PSEN1: variants seen among roughly 807,000 people sequenced by gnomAD.
PSEN1 encodes presenilin 1, also known as presenilin-1.
PSEN1 carries 15 observed loss-of-function variants against 53.5 expected under a neutral mutation model. The observed-to-expected ratio is 0.28, with a 90% CI of 0.19 to 0.43. The LOEUF is 0.43. Among genes scored for constraint, PSEN1 ranks in the 20% least tolerant of loss-of-function variants. The pLI, the probability that PSEN1 is intolerant of heterozygous loss-of-function variation, is 1.00. For missense variants in PSEN1, 387 were observed against 571.2 expected (o/e 0.68, Z 3.29); for synonymous variants, 208 against 209.8 (o/e 0.99, Z 0.08).
chr14:73,214,862 A>G (rs531744215), intron 10 of PSEN1, among the ~76,000 whole-genome samples: 54 of 152,330 alleles, frequency 3.5e-4, no homozygotes, highest in African/African-American at 1.3e-3. Flanking sequence ...GACGATGGTA[A>G]TGGTAGCACA....
At chr14:73,165,951 G>C (rs1801643065) in intron 3 of PSEN1, among the ~76,000 whole-genome samples, 1 of 151,990 alleles carries the variant, frequency 6.6e-6, no homozygotes, top group Non-Finnish European at 1.5e-5. Context: ...AGCTCCTCGG[G>C]AGGCTGACGC....
In PSEN1 at chr14:73,219,427, C is replaced by G; in HGVS notation, c.*138C>G. 1 of 967,280 alleles carries G rather than the reference C, an allele frequency of 1.0e-6. No individual in the cohort carries two copies. The highest frequency in any genetic ancestry group is 1.6e-6 in the Non-Finnish European group (1 of 610,480). The allele number at this position is 967,280 out of a possible 1,614,324, so 59.9% of individuals were successfully genotyped here. On this transcript the variant is annotated 3_prime_UTR_variant, in exon 12 of 12. Coordinates refer to ENST00000324501, the MANE Select transcript of PSEN1 (RefSeq NM_000021.4). ...GGACTTTTGCAGCTTCCTTCCAAGT[C>G]TTCCTGACCACCTTGCACTATTGGA...
chr14:73,221,455 G>C lies in PSEN1; in HGVS notation c.*2166G>C, dbSNP rs1038491699. 3.9e-5 allele frequency: 6 copies of C among 152,202 alleles called. No homozygotes were observed. Among genetic ancestry groups the C allele is most frequent in the Non-Finnish European group, 7.3e-5 (5 of 68,042 alleles). The allele number at this position is 152,202 out of a possible 1,614,324, so 9.4% of individuals were successfully genotyped here. A position where few individuals can be genotyped will look rare whatever the true frequency, so the allele number is the denominator to read the frequency against. ...TTCTTCTCTGAAGAGGGTACGTGGG[G>C]TGTGTGTATTTAAATCCATCCTATG... On this transcript the variant is annotated 3_prime_UTR_variant, in exon 12 of 12. Coordinates refer to ENST00000324501, the MANE Select transcript of PSEN1 (RefSeq NM_000021.4).
In PSEN1 at chr14:73,218,244, G is replaced by A. The variant is rs1246479277; in HGVS notation, c.1249-890G>A. On this transcript the variant is annotated intron_variant, in intron 11 of 11. Coordinates refer to ENST00000324501, the MANE Select transcript of PSEN1 (RefSeq NM_000021.4). ...TGGAATTACATGTGTGCACCACCATGCCTGGCTAATTTTTGTATTTTTAGT... is the reference window on the plus strand; with the variant it reads ...TGGAATTACATGTGTGCACCACCATACCTGGCTAATTTTTGTATTTTTAGT... Among the ~76,000 whole-genome samples the A allele has an allele frequency of 2.6e-5, 4 of 151,800 alleles. No homozygotes were observed. In the East Asian group the frequency reaches 5.8e-4, roughly 22 times the overall value.
intron 3 of PSEN1, 149 bp downstream of exon 3, chr14:73,148,255 AG>A (rs1897126119): frequency 1.4e-6 from 1 of 720,906 alleles, no homozygotes; most frequent in African/African-American, 1.7e-5. Context: ...TGATTGCTGG[AG>A]GACACAGGGC....
At chr14:73,154,799 T>C (rs1167924222) in intron 3 of PSEN1, among the ~76,000 whole-genome samples, 1 of 152,168 alleles carries the variant, frequency 6.6e-6, no homozygotes, top group African/African-American at 2.4e-5. Context: ...TGGCAATAAA[T>C]ATATGAAAAG....
intron 8 of PSEN1, among the ~76,000 whole-genome samples, chr14:73,202,818 C>T (rs1368654708): frequency 6.6e-6 from 1 of 151,836 alleles, no homozygotes; most frequent in East Asian, 1.9e-4. Context: ...CTCGCTTTAG[C>T]AGCACATAAT....
At chr14:73,165,279 A>G (rs1327950100) in intron 3 of PSEN1, among the ~76,000 whole-genome samples, 1 of 152,100 alleles carries the variant, frequency 6.6e-6, no homozygotes, top group African/African-American at 2.4e-5. Context: ...TTTTAAATAA[A>G]GAAATTAAAA....
At chr14:73,162,193 A>T (rs1897566884) in intron 3 of PSEN1, among the ~76,000 whole-genome samples, 1 of 150,866 alleles carries the variant, frequency 6.6e-6, no homozygotes, top group Admixed American at 6.6e-5. Flanking sequence ...AAAAAAAAAA[A>T]GTTAAATAGA....
At chr14:73,138,190 TATTA>T (rs1480140663) in intron 1 of PSEN1, 6 of 138,216 alleles carry the variant, frequency 4.3e-5, no homozygotes, top group Non-Finnish European at 3.1e-5. Context: ...ATAAACATAC[TATTA>T]TTTATTTATT....
At chr14:73,171,785 A>G (rs1315964778) in intron 4 of PSEN1, among the ~76,000 whole-genome samples, 1 of 152,210 alleles carries the variant, frequency 6.6e-6, no homozygotes, top group Admixed American at 6.5e-5. Context: ...AGTTAAGTTT[A>G]AAAGTAGAAG....
chr14:73,222,390 T>C lies in PSEN1; in HGVS notation c.*3101T>C, dbSNP rs367826892. 10 of 152,336 alleles carry C rather than the reference T, an allele frequency of 6.6e-5. No individual in the cohort carries two copies. The highest frequency in any genetic ancestry group is 1.9e-4 in the East Asian group (1 of 5,180). The allele number at this position is 152,336 out of a possible 1,614,324, so 9.4% of individuals were successfully genotyped here. On this transcript the variant is annotated 3_prime_UTR_variant, in exon 12 of 12. Transcript: ENST00000324501. Reference sequence around the variant, plus strand: ...CAGATGATGTTTATTACTTGTTATTTACGTGGCCTCAGACAGTGTATGTAT... The same window carrying C: ...CAGATGATGTTTATTACTTGTTATTCACGTGGCCTCAGACAGTGTATGTAT...
intron 6 of PSEN1, among the ~76,000 whole-genome samples, chr14:73,191,541 T>A (rs1435857669): frequency 6.6e-6 from 1 of 151,856 alleles, no homozygotes; most frequent in Non-Finnish European, 1.5e-5. Flanking sequence ...TACGTACATA[T>A]ATTTTTTTTT....
intron 11 of PSEN1, among the ~76,000 whole-genome samples, chr14:73,218,165 C>A (rs1454097758): frequency 1.4e-5 from 2 of 144,286 alleles, no homozygotes; most frequent in Admixed American, 1.4e-4. Context: ...TAGCTCACTG[C>A]AACTTCTGCC....
intron 7 of PSEN1, 161 bp from the exon 8 acceptor site, chr14:73,197,870 C>A: frequency 1.6e-6 from 1 of 618,148 alleles, no homozygotes; most frequent in Non-Finnish European, 2.9e-6. Flanking sequence ...CCACCCCCAC[C>A]AGTTCACCTG....
At chr14:73,194,591 C>T (rs961329082) in intron 7 of PSEN1, among the ~76,000 whole-genome samples, 9 of 129,780 alleles carry the variant, frequency 6.9e-5, no homozygotes, top group Non-Finnish European at 1.3e-4. Context: ...TTTTTCAAGA[C>T]GGAGTCTGGC....
chr14:73,212,298 A>G (rs548288002), intron 10 of PSEN1, among the ~76,000 whole-genome samples: 11 of 151,360 alleles, frequency 7.3e-5, no homozygotes, highest in East Asian at 2.0e-4. Flanking sequence ...TTTAGTAGAG[A>G]TGGGGTTTCA....
chr14:73,203,028 T>G (rs1450257212), intron 8 of PSEN1, among the ~76,000 whole-genome samples: 1 of 152,068 alleles, frequency 6.6e-6, no homozygotes, highest in South Asian at 2.1e-4. Context: ...TAATACTAAA[T>G]GTCTGGTGAA....
chr14:73,197,948 C>A, intron 7 of PSEN1, 83 bp from the exon 8 acceptor site: 1 of 759,278 alleles, frequency 1.3e-6, no homozygotes, highest in Middle Eastern at 2.3e-4. Flanking sequence ...AACTTTTTTC[C>A]TTCGTTAATT....
Sources: allele counts gnomAD v4.1 joint callset (sites outside exome capture counted in the v4.1 genomes callset), GRCh38; gene constraint gnomAD v4.1.1; transcripts MANE v1.5; gene names NCBI Gene and HGNC (gene_info 2026-07-23, HGNC 2026-07-21).